POU3F3: variants seen among roughly 807,000 people sequenced by gnomAD.
POU3F3 encodes POU domain, class 3, transcription factor 3.
In POU3F3, 1 loss-of-function variant was observed where a neutral mutation model predicts 8.6. The observed-to-expected ratio is 0.12, with a 90% CI of 0.04 to 0.55. The LOEUF is 0.55. POU3F3 is among the 20% of genes least tolerant of loss of function. The pLI is 0.91. For synonymous variants in POU3F3, 418 were observed against 327.4 expected (o/e 1.28, Z -2.99); for missense variants, 577 against 690.7 (o/e 0.84, Z 1.84).
the POU3F3 span, chr2:104,868,363 G>C: frequency 6.1e-5 from 28 of 456,702 alleles, no homozygotes; most frequent in South Asian, 4.0e-4. Flanking sequence ...TTTCTCCTCC[G>C]CCGACAAAGT....
the POU3F3 span, among the ~76,000 whole-genome samples, chr2:104,880,058 A>T: frequency 6.6e-6 from 1 of 152,200 alleles, no homozygotes; most frequent in Non-Finnish European, 1.5e-5. Flanking sequence ...TCCAAGCATA[A>T]GCAGTTTCTT....
the POU3F3 span, among the ~76,000 whole-genome samples, chr2:104,924,636 C>G: frequency 1.3e-5 from 2 of 152,218 alleles, no homozygotes; most frequent in Admixed American, 1.3e-4. Context: ...TAATCTCTAA[C>G]CAAAATGGTT....
chr2:104,880,675 C>G, the POU3F3 span, among the ~76,000 whole-genome samples: 1 of 152,236 alleles, frequency 6.6e-6, no homozygotes, highest in African/African-American at 2.4e-5. Flanking sequence ...AACACCTCTT[C>G]ACTCCATTTT....
At chr2:104,864,088 C>T in the POU3F3 span, among the ~76,000 whole-genome samples, 1 of 152,312 alleles carries the variant, frequency 6.6e-6, no homozygotes, top group Admixed American at 6.5e-5. Context: ...GTGCCTGGCC[C>T]GGTGAGGGTC....
At chr2:104,910,927 C>T in the POU3F3 span, among the ~76,000 whole-genome samples, 1 of 152,100 alleles carries the variant, frequency 6.6e-6, no homozygotes, top group African/African-American at 2.4e-5. Context: ...ATAACAACAA[C>T]TTACATAGTA....
the POU3F3 span, among the ~76,000 whole-genome samples, chr2:104,889,662 A>T: frequency 6.6e-6 from 1 of 152,226 alleles, no homozygotes; most frequent in African/African-American, 2.4e-5. Flanking sequence ...AGAATGTCCA[A>T]CCCTGAGACC....
the POU3F3 span, among the ~76,000 whole-genome samples, chr2:104,873,337 C>G: frequency 1.8e-3 from 279 of 152,266 alleles, no homozygotes; most frequent in African/African-American, 6.0e-3. Flanking sequence ...CGGCTTCTCT[C>G]CGGGAGAGTG....
At chr2:104,920,322 A>G in the POU3F3 span, among the ~76,000 whole-genome samples, 1 of 152,168 alleles carries the variant, frequency 6.6e-6, no homozygotes, top group Non-Finnish European at 1.5e-5. Context: ...GCCACAGCTG[A>G]CTTTTTAAAG....
rs1312561638 is a variant in POU3F3 at position 104,855,029 on chromosome 2, G to A, written c.-482G>A. ...CCGGGCTCGCCCGAGGACAGGAGGA[G>A]GAGCGGGAGCCCGCGCGTCCCGGGA... is the stretch of plus-strand genomic sequence containing the variant. On this transcript the variant is annotated 5_prime_UTR_variant, in exon 1 of 1. Transcript: ENST00000361360. Among the ~76,000 whole-genome samples the A allele has an allele frequency of 6.6e-6, 1 of 152,112 alleles. No individual in the cohort carries two copies. Among genetic ancestry groups the A allele is most frequent in the Non-Finnish European group, 1.5e-5 (1 of 67,992 alleles).
chr2:104,874,524 G>T, the POU3F3 span, among the ~76,000 whole-genome samples: 5 of 152,294 alleles, frequency 3.3e-5, no homozygotes, highest in African/African-American at 1.2e-4. Context: ...TGCCAGTAAG[G>T]CCCAAACCTC....
At chr2:104,862,507 C>T (rs1367970340), downstream of POU3F3, among the ~76,000 whole-genome samples, 1 of 150,628 alleles carries the variant, frequency 6.6e-6, no homozygotes, top group East Asian at 2.0e-4. Flanking sequence ...GAGGGGGACC[C>T]GAGGCAGCCG....
At chr2:104,917,902 A>T in the POU3F3 span, among the ~76,000 whole-genome samples, 1 of 152,160 alleles carries the variant, frequency 6.6e-6, no homozygotes, top group South Asian at 2.1e-4. Context: ...AGGAAGAAAG[A>T]TATATTATCC....
chr2:104,898,396 G>A, the POU3F3 span, among the ~76,000 whole-genome samples: 9 of 152,082 alleles, frequency 5.9e-5, no homozygotes, highest in South Asian at 8.3e-4. Context: ...TTAGATTAGA[G>A]GCATAAAAAT....
the POU3F3 span, among the ~76,000 whole-genome samples, chr2:104,893,591 A>G: frequency 6.6e-6 from 1 of 152,212 alleles, no homozygotes; most frequent in South Asian, 2.1e-4. Context: ...GATGATGACT[A>G]AAAGATGCAG....
the POU3F3 span, among the ~76,000 whole-genome samples, chr2:104,918,204 G>T: frequency 6.6e-6 from 1 of 152,188 alleles, no homozygotes; most frequent in Non-Finnish European, 1.5e-5. Context: ...AAAGTCTCAG[G>T]ATTTCTTGCC....
the POU3F3 span, among the ~76,000 whole-genome samples, chr2:104,888,138 T>C: frequency 2.0e-5 from 3 of 152,244 alleles, no homozygotes; most frequent in African/African-American, 7.2e-5. Flanking sequence ...GAAAGACATC[T>C]TTCATCTGAA....
the POU3F3 span, among the ~76,000 whole-genome samples, chr2:104,902,255 G>GT: frequency 1.3e-5 from 2 of 152,090 alleles, no homozygotes; most frequent in African/African-American, 2.4e-5. Context: ...TTCATCATCT[G>GT]TTTTTAAAAA....
the POU3F3 span, among the ~76,000 whole-genome samples, chr2:104,876,089 C>T: frequency 1.6e-4 from 25 of 152,108 alleles, no homozygotes; most frequent in Non-Finnish European, 3.7e-4. Context: ...GTACACAGAA[C>T]GAACACTATT....
the POU3F3 span, among the ~76,000 whole-genome samples, chr2:104,896,781 C>A: frequency 3.8e-4 from 58 of 152,350 alleles, no homozygotes; most frequent in African/African-American, 1.4e-3. Flanking sequence ...CCTGGAGAAG[C>A]CTGTTTGAGT....
Sources: allele counts gnomAD v4.1 joint callset (sites outside exome capture counted in the v4.1 genomes callset), GRCh38; gene constraint gnomAD v4.1.1; transcripts MANE v1.5; gene names NCBI Gene and HGNC (gene_info 2026-07-23, HGNC 2026-07-21).